AMPH: variants seen among roughly 807,000 people sequenced by gnomAD.
AMPH encodes amphiphysin (Stiff-Mann syndrome with breast cancer 128kD autoantigen).
AMPH carries 49 observed loss-of-function variants against 99.1 expected under a neutral mutation model. The observed-to-expected ratio is 0.49, with a 90% CI of 0.39 to 0.63. The LOEUF is 0.63. Among genes scored for constraint, AMPH ranks in the 20% least tolerant of loss-of-function variants. The pLI, the probability that AMPH is intolerant of heterozygous loss-of-function variation, is 0.00. For synonymous variants in AMPH, 314 were observed against 317.3 expected, an observed-to-expected ratio of 0.99 and a Z score of 0.11; for missense variants, 759 against 863.4, an observed-to-expected ratio of 0.88 and a Z score of 1.52.
chr7:38,626,937 T>A (rs1794269073), intron 1 of AMPH, among the ~76,000 whole-genome samples: 1 of 152,240 alleles, frequency 6.6e-6, no homozygotes, highest in Non-Finnish European at 1.5e-5. Flanking sequence ...TAAACAAATA[T>A]TAAATATGTG....
chr7:38,534,855 T>C (rs1024862054), intron 2 of AMPH, 76 bp downstream of exon 2: 6 of 1,248,122 alleles, frequency 4.8e-6, no homozygotes, highest in African/African-American at 3.0e-5. Flanking sequence ...TTAATCTTAA[T>C]GCATTTTACT....
intron 14 of AMPH, chr7:38,429,625 T>C (rs1354169683): frequency 1.4e-6 from 2 of 1,433,606 alleles, no homozygotes. Flanking sequence ...AAACAAAAGA[T>C]GAAACAGAAC....
chr7:38,461,295 T>C lies in AMPH; in HGVS notation c.1005A>G (p.Thr335=), dbSNP rs757012782. The change falls in exon 11 of 21, where the codon ACA becomes ACG. Residue 335 remains threonine, a synonymous_variant. Transcript: ENST00000356264. ...ACCAGGCACTTACCTGGGAAGGTGT[T>C]GTCACACTGATTTCTGGAACAAAGT... The part of the protein sequence containing the change: ...EDNFVPEISV[T]TPSQNEVPEV... The C allele has an allele frequency of 1.6e-5, 26 of 1,613,880 alleles. No individual in the cohort carries two copies. The highest frequency in any genetic ancestry group is 2.1e-5 in the Non-Finnish European group (25 of 1,179,984).
At chr7:38,589,091 C>T (rs1352298351) in intron 1 of AMPH, among the ~76,000 whole-genome samples, 1 of 152,012 alleles carries the variant, frequency 6.6e-6, no homozygotes, top group Non-Finnish European at 1.5e-5. Context: ...TACCATATTC[C>T]TATTGATCAA....
intron 16 of AMPH, among the ~76,000 whole-genome samples, chr7:38,419,316 C>T (rs1258675091): frequency 6.6e-6 from 1 of 152,074 alleles, no homozygotes; most frequent in Admixed American, 6.6e-5. Flanking sequence ...GACAAATACA[C>T]AAAGTATTTG....
At chr7:38,605,225 G>T (rs1325830917) in intron 1 of AMPH, among the ~76,000 whole-genome samples, 1 of 152,100 alleles carries the variant, frequency 6.6e-6, no homozygotes, top group Non-Finnish European at 1.5e-5. Flanking sequence ...AAAGGTGAGG[G>T]GACGAGGGGA....
intron 1 of AMPH, among the ~76,000 whole-genome samples, chr7:38,594,188 T>A (rs1236193176): frequency 6.6e-6 from 1 of 152,140 alleles, no homozygotes; most frequent in Non-Finnish European, 1.5e-5. Flanking sequence ...AGGTATGTCC[T>A]GAAAGTAGAG....
intron 1 of AMPH, among the ~76,000 whole-genome samples, chr7:38,599,164 T>C (rs1245712853): frequency 6.6e-6 from 1 of 152,228 alleles, no homozygotes; most frequent in Admixed American, 6.5e-5. Context: ...GTGGAGAGAA[T>C]GTGGTCTATG....
At position 38,466,226 on chromosome 7, in the gene AMPH, T is replaced by G. The variant is rs1787646131; in HGVS notation, c.613A>C (p.Thr205Pro). Residue 205 changes from threonine to proline, a missense_variant, in exon 8 of 21, where the codon ACT becomes CCT. Physicochemically the swap from Thr to Pro is conservative, Grantham distance 38 (BLOSUM62 -1). Transcript: ENST00000356264. ...WSRRVGFYVN[T>P]FKNVSSLEAK... ...TCAAGGCTGGAGACGTTTTTGAAAGTATTAACATAAAATCCAACTCGTCTG... is the reference window on the plus strand; with the variant it reads ...TCAAGGCTGGAGACGTTTTTGAAAGGATTAACATAAAATCCAACTCGTCTG... 6.3e-7 allele frequency: 1 copy of G among 1,595,880 alleles called. No homozygotes were observed. Among genetic ancestry groups the G allele is most frequent in the Non-Finnish European group, 8.5e-7 (1 of 1,175,110 alleles).
rs183839505 is a variant in AMPH, at chr7:38,574,822, G to A, written c.70-39811C>T. The stretch of plus-strand genomic sequence containing the variant: ...TGTAATCCTAGCACTTTGGGAGGCC[G>A]GGGCGGGCAGATCACGAGGTGAAGA... On this transcript the variant is annotated intron_variant, in intron 1 of 20. Transcript: ENST00000356264. Among the ~76,000 whole-genome samples the A allele has an allele frequency of 1.1e-4, 16 of 152,056 alleles. No homozygotes were observed. In the East Asian group the frequency reaches 1.4e-3, roughly 13 times the overall value.
intron 1 of AMPH, among the ~76,000 whole-genome samples, chr7:38,587,832 A>C (rs559123583): frequency 3.3e-4 from 50 of 152,102 alleles, no homozygotes; most frequent in African/African-American, 1.2e-3. Flanking sequence ...ATTTACTCTA[A>C]TATTAATCTC....
At chr7:38,619,726 A>G (rs1260138264) in intron 1 of AMPH, among the ~76,000 whole-genome samples, 1 of 152,232 alleles carries the variant, frequency 6.6e-6, no homozygotes, top group African/African-American at 2.4e-5. Flanking sequence ...AGGAACAACT[A>G]TGGGCCAATA....
intron 20 of AMPH, among the ~76,000 whole-genome samples, chr7:38,387,845 G>A (rs969487543): frequency 4.7e-5 from 7 of 149,706 alleles, no homozygotes; most frequent in East Asian, 1.9e-4. Context: ...AAGATACAGC[G>A]AAATTTATTA....
chr7:38,473,710 CAAAAAAAAAAAAAAAAAA>C (rs70977409), intron 7 of AMPH, among the ~76,000 whole-genome samples: 12 of 3,780 alleles, frequency 3.2e-3, no homozygotes, highest in Admixed American at 0.015. Flanking sequence ...GACTCCGTCT[CAAAAAAAAAAAAAAAAAA>C]AAAAAAAAAA....
intron 3 of AMPH, among the ~76,000 whole-genome samples, chr7:38,498,253 C>T (rs1789003169): frequency 6.6e-6 from 1 of 152,104 alleles, no homozygotes. Flanking sequence ...ACTGCCCTTC[C>T]CTGGATTAGA....
chr7:38,485,587 A>G (rs951645830), intron 5 of AMPH, among the ~76,000 whole-genome samples: 1 of 151,946 alleles, frequency 6.6e-6, no homozygotes, highest in African/African-American at 2.4e-5. Context: ...CACAATATCA[A>G]CAAAGAAACA....
At chr7:38,610,260 A>AAGAAAGAAGGAAAG (rs1793591223) in intron 1 of AMPH, among the ~76,000 whole-genome samples, 2 of 11,110 alleles carry the variant, frequency 1.8e-4, no homozygotes, top group Non-Finnish European at 1.7e-4. Flanking sequence ...AAAAAAAAAA[A>AAGAAAGAAGGAAAG]AAAGAAAGAA....
chr7:38,599,037 G>C (rs1260851710), intron 1 of AMPH, among the ~76,000 whole-genome samples: 1 of 152,052 alleles, frequency 6.6e-6, no homozygotes, highest in East Asian at 1.9e-4. Context: ...TTTCTATATA[G>C]TGCCTAAATG....
chr7:38,631,324 C>G lies in AMPH; in HGVS notation c.28G>C (p.Ala10Pro), dbSNP rs749611316. ...TTGAGTCGCTTCTGGACGTTCTTGG[C>G]GAAGATGCCCGTCTTGATGTCGGCC... MADIKTGIF[A>P]KNVQKRLNRA... The change falls in exon 1 of 21, where the codon GCC becomes CCC. Residue 10 changes from alanine (A) to proline (P), a missense_variant. Physicochemically the swap from Ala to Pro is conservative, Grantham distance 27. Coordinates refer to ENST00000356264, the MANE Select transcript of AMPH (RefSeq NM_001635.4). 6.4e-7 allele frequency: 1 copy of G among 1,552,154 alleles called. No individual in the cohort carries two copies. Among genetic ancestry groups the G allele is most frequent in the Non-Finnish European group, 8.7e-7 (1 of 1,150,068 alleles).
Sources: gnomAD v4.1 joint callset for allele counts (sites outside exome capture counted in the v4.1 genomes callset) on GRCh38, gnomAD v4.1.1 for gene constraint, MANE v1.5 for transcripts, NCBI Gene and HGNC (gene_info 2026-07-23, HGNC 2026-07-21) for gene names.